Variants in MTF2 observed in about 807,000 individuals in gnomAD.
MTF2 encodes metal response element binding transcription factor 2.
MTF2 carries 11 observed loss-of-function variants against 79.5 expected under a neutral mutation model. That is an observed-to-expected ratio of 0.14 (90% CI 0.09 to 0.23). The LOEUF (loss-of-function observed/expected upper bound fraction) is 0.23. MTF2 is among the 10% of genes least tolerant of loss of function. The pLI, the probability that MTF2 is intolerant of heterozygous loss-of-function variation, is 1.00. For missense variants in MTF2, 486 were observed against 711.2 expected, an observed-to-expected ratio of 0.68 and a Z score of 3.60; for synonymous variants, 208 against 232.8, an observed-to-expected ratio of 0.89 and a Z score of 0.97.
At chr1:93,121,305 G>A in intron 9 of MTF2, 1 of 872,434 alleles carries the variant, frequency 1.1e-6, no homozygotes, top group Non-Finnish European at 1.4e-6. Flanking sequence ...ATAGCAGAAA[G>A]AGAAAAGTAA....
intron 1 of MTF2, among the ~76,000 whole-genome samples, chr1:93,104,435 C>A (rs2101046863): frequency 6.6e-6 from 1 of 151,978 alleles, no homozygotes; most frequent in East Asian, 1.9e-4. Context: ...AATCCCAGCA[C>A]TTTGGGAGGC....
At chr1:93,120,010 C>A (rs1358029767) in intron 8 of MTF2, 1 of 152,322 alleles carries the variant, frequency 6.6e-6, no homozygotes, top group African/African-American at 2.4e-5. Context: ...TGGCCAGGTG[C>A]GGTGGCTTTC....
Position 93,134,192 on chromosome 1 carries a change from A to G in MTF2, c.1421A>G (p.Tyr474Cys). The G allele has an allele frequency of 6.3e-7, 1 of 1,588,194 alleles. No individual in the cohort carries two copies. Among genetic ancestry groups the G allele is most frequent in the East Asian group, 2.2e-5 (1 of 44,686 alleles). ...ETTSSSISRH[Y>C]GLSDSRKRTR... is the part of the protein sequence containing the mutation. ...ACCTCGTCTAGCATTTCCAGGCATT[A>G]TGGGTAGATATTTTACATTCTTATT... is the stretch of plus-strand genomic sequence containing the variant. Residue 474 changes from tyrosine to cysteine, a missense_variant, in exon 14 of 15, where the codon TAT becomes TGT. By Grantham distance (194) the Tyr-to-Cys change is radical. This residue lies in a region of MTF2 where 209 missense variants were observed against 206.5 expected (regional missense o/e 1.01). Transcript: ENST00000370298.
At chr1:93,098,789 G>A (rs1045711058) in intron 1 of MTF2, among the ~76,000 whole-genome samples, 17 of 152,140 alleles carry the variant, frequency 1.1e-4, no homozygotes, top group Admixed American at 9.2e-4. Flanking sequence ...TAGTTTATTT[G>A]TAGTATTTAT....
intron 8 of MTF2, 63 bp downstream of exon 8, chr1:93,119,464 C>A: frequency 8.1e-7 from 1 of 1,227,376 alleles, no homozygotes; most frequent in Non-Finnish European, 1.2e-6. Flanking sequence ...CAAGTTGAAA[C>A]TTTCTATATA....
chr1:93,086,522 G>A (rs1306730990), intron 1 of MTF2, among the ~76,000 whole-genome samples: 3 of 148,616 alleles, frequency 2.0e-5, no homozygotes, highest in Non-Finnish European at 4.5e-5. Flanking sequence ...AAAAAGATGA[G>A]GAAGAAGGGC....
intron 14 of MTF2, among the ~76,000 whole-genome samples, chr1:93,136,209 G>A (rs535411145): frequency 1.3e-5 from 2 of 152,246 alleles, no homozygotes; most frequent in East Asian, 3.9e-4. Context: ...TACTTCACTA[G>A]GCCTAGAACT....
intron 1 of MTF2, among the ~76,000 whole-genome samples, chr1:93,109,822 T>C (rs547712689): frequency 1.3e-4 from 20 of 152,340 alleles, no homozygotes; most frequent in African/African-American, 4.3e-4. Flanking sequence ...CACTGGTTAA[T>C]GTGTCTTAAC....
chr1:93,114,920 G>A (rs1656186265), intron 4 of MTF2, 68 bp from the exon 5 acceptor site: 1 of 1,290,004 alleles, frequency 7.8e-7, no homozygotes, highest in Non-Finnish European at 1.1e-6. Flanking sequence ...ATGCTAAAAT[G>A]CATTCTTGAA....
At chr1:93,133,897 C>T (rs1471632292) in intron 12 of MTF2, 31 bp from the exon 13 acceptor site, 1 of 1,537,994 alleles carries the variant, frequency 6.5e-7, no homozygotes. Context: ...ACTTTAGAGA[C>T]ATGCTTTAAG....
At position 93,129,150 on chromosome 1, in the gene MTF2, G is replaced by A. The variant is rs1656821603; in HGVS notation, c.990-128G>A. The A allele has an allele frequency of 5.6e-6, 3 of 538,666 alleles. No homozygotes were observed. The Admixed American group carries it at 1.2e-4, about 21-fold the overall frequency. The allele number at this position is 538,666 out of a possible 1,614,324, so 33.4% of individuals were successfully genotyped here. On this transcript the variant is annotated intron_variant, in intron 10 of 14. Transcript: ENST00000370298. ...AGATAAAAATCAAGGAAAGCAAGGG[G>A]AAGTGAATTTTTGTAGTATTGGGTG...
Position 93,137,989 on chromosome 1 carries a change from A to G in MTF2, c.*962A>G, listed in dbSNP as rs900962174. The G allele has an allele frequency of 3.3e-5, 5 of 152,308 alleles. No homozygotes were observed. The South Asian group carries it at 8.3e-4, about 25-fold the overall frequency. 9.4% of individuals were successfully genotyped at this position (152,308 alleles called of 1,614,324 possible). On this transcript the variant is annotated 3_prime_UTR_variant, in exon 15 of 15. Coordinates refer to ENST00000370298, the MANE Select transcript of MTF2 (RefSeq NM_007358.4). ...TTTTCATGGCACATTATGATTGTAA[A>G]TGTCTCTCATTTTTAACAGTAAGTC... is the stretch of plus-strand genomic sequence containing the variant.
At chr1:93,109,456 C>A (rs1034075293) in intron 1 of MTF2, among the ~76,000 whole-genome samples, 1 of 152,210 alleles carries the variant, frequency 6.6e-6, no homozygotes. Context: ...GCCTCAGCCT[C>A]CCCAGTAGCT....
At chr1:93,094,986 C>G (rs1655221983) in intron 1 of MTF2, among the ~76,000 whole-genome samples, 1 of 152,108 alleles carries the variant, frequency 6.6e-6, no homozygotes, top group Non-Finnish European at 1.5e-5. Context: ...ATGGGATGTA[C>G]AGGATAGGAG....
intron 1 of MTF2, among the ~76,000 whole-genome samples, chr1:93,087,489 T>G (rs1237147040): frequency 1.3e-5 from 2 of 151,930 alleles, no homozygotes; most frequent in African/African-American, 4.8e-5. Context: ...GGAGAATTGC[T>G]TGAACCCAGG....
rs1255430118 is a variant in MTF2 at position 93,136,819 on chromosome 1, A to T, written c.1574A>T (p.Tyr525Phe). 1 of 1,614,254 alleles carries T rather than the reference A, an allele frequency of 6.2e-7. No individual in the cohort carries two copies. Among genetic ancestry groups the T allele is most frequent in the Admixed American group, 1.7e-5 (1 of 60,032 alleles). Residue 525 changes from tyrosine (Y) to phenylalanine (F), a missense_variant, in exon 15 of 15, where the codon TAT (tyrosine) becomes TTT (phenylalanine). Tyr to Phe is a conservative substitution (Grantham distance 22). Coordinates refer to ENST00000370298, the MANE Select transcript of MTF2 (RefSeq NM_007358.4). Reference sequence around the variant, plus strand: ...AAAGATGATGAAGGCAAAGAAGATTATCAGTTTGATGAACTCAACACAGAG... The same window carrying T: ...AAAGATGATGAAGGCAAAGAAGATTTTCAGTTTGATGAACTCAACACAGAG... ...IVKDDEGKEDYQFDELNTEIL... is the reference protein window; with the variant it reads ...IVKDDEGKEDFQFDELNTEIL...
chr1:93,101,586 T>TTTTTG lies in MTF2; in HGVS notation c.6-8640_6-8639insGTTTT, dbSNP rs1557546838. Among the ~76,000 whole-genome samples, 731 of 116,422 alleles carry TTTTTG rather than the reference T, an allele frequency of 6.3e-3. 45 individuals carry two copies. The highest frequency in any genetic ancestry group is 0.021 in the African/African-American group (703 of 32,950). The allele number at this position is 116,422 out of a possible 152,430, so 76.4% of individuals were successfully genotyped here. On this transcript the variant is annotated intron_variant, in intron 1 of 14. Coordinates refer to ENST00000370298, the MANE Select transcript of MTF2 (RefSeq NM_007358.4). ...CAGGCTGGTTTTTTTTTTTTTTTTT[T>TTTTTG]TTTTTTTTTTTGAGACAGGGTCTCC...
intron 1 of MTF2, among the ~76,000 whole-genome samples, chr1:93,085,953 T>G (rs1654818204): frequency 6.6e-6 from 1 of 152,204 alleles, no homozygotes; most frequent in Non-Finnish European, 1.5e-5. Context: ...GTTATCAGTA[T>G]TATGTATTGT....
intron 9 of MTF2, among the ~76,000 whole-genome samples, chr1:93,126,235 G>A (rs1656692627): frequency 6.6e-6 from 1 of 151,710 alleles, no homozygotes; most frequent in Non-Finnish European, 1.5e-5. Context: ...CTTATCACTT[G>A]AGTTCAGGTT....
Sources: gnomAD v4.1 joint callset for allele counts (sites outside exome capture counted in the v4.1 genomes callset) on GRCh38, gnomAD v4.1.1 for gene constraint, gnomAD v4.1.1 regional missense constraint, MANE v1.5 for transcripts, NCBI Gene and HGNC (gene_info 2026-07-23, HGNC 2026-07-21) for gene names.